Variants in ADPRHL1 observed in about 807,000 individuals in gnomAD.
ADPRHL1 encodes the protein ADP-ribosylhydrolase like 1, also known as inactive ADP-ribosyltransferase ARH2.
In ADPRHL1, 43 loss-of-function variants were observed where a neutral mutation model predicts 44.1. That is an observed-to-expected ratio of 0.98 (90% CI 0.76 to 1.26). The LOEUF is 1.26. ADPRHL1 is among the 50% of genes most tolerant of loss of function. ADPRHL1 has a pLI of 0.00. For missense variants in ADPRHL1, 2,022 were observed against 2,496.9 expected (o/e 0.81, Z 4.05); for synonymous variants, 878 against 1,017.4 (o/e 0.86, Z 2.61).
chr13:113,433,694 C>T (rs370971971), intron 3 of ADPRHL1, 48 bp downstream of exon 3: 36 of 1,535,786 alleles, frequency 2.3e-5, no homozygotes, highest in Middle Eastern at 2.3e-4. Context: ...GTGGGTCATC[C>T]GGCCGCACTC....
At chr13:113,410,118 C>T (rs987054421) in intron 7 of ADPRHL1, 8 of 985,254 alleles carry the variant, frequency 8.1e-6, no homozygotes, top group South Asian at 9.4e-5. Context: ...CGTGGGCACG[C>T]GATGACCCAG....
At position 113,441,165 on chromosome 13, in the gene ADPRHL1, T is replaced by C. The variant is rs1418671987; in HGVS notation, c.379+3260A>G. Among the ~76,000 whole-genome samples the C allele has an allele frequency of 6.6e-6, 1 of 152,100 alleles. No homozygotes were observed. The highest frequency in any genetic ancestry group is 1.5e-5 in the Non-Finnish European group (1 of 68,014). ...AAGACTCCATCTCAAAATTAAAAAG[T>C]TGTTTCTTATAAGCAGCACATAGTT... On this transcript the variant is annotated intron_variant, in intron 2 of 7. Coordinates refer to ENST00000612156, the MANE Select transcript of ADPRHL1 (RefSeq NM_001394807.1). This position sits in a 1 kb window ranked among gnomAD's most constrained non-coding sequence, Gnocchi z 6.0.
rs2044098145 is a variant in ADPRHL1, at chr13:113,441,500, T to C, written c.379+2925A>G. Among the ~76,000 whole-genome samples, 1 of 152,212 alleles carries C rather than the reference T, an allele frequency of 6.6e-6. No individual in the cohort carries two copies. Among genetic ancestry groups the C allele is most frequent in the Non-Finnish European group, 1.5e-5 (1 of 68,042 alleles). ...GGATGACACTGTGGCATACACGGTG[T>C]GGGAACCTCACCGTCATCGGCTTCC... On this transcript the variant is annotated intron_variant, in intron 2 of 7. Transcript: ENST00000612156. This position sits in a 1 kb window ranked among gnomAD's most constrained non-coding sequence, Gnocchi z 6.0.
At chr13:113,418,233 G>A (rs1260446971) in intron 7 of ADPRHL1, among the ~76,000 whole-genome samples, 8 of 152,300 alleles carry the variant, frequency 5.3e-5, no homozygotes, top group East Asian at 3.9e-4. Flanking sequence ...AAAGGGCCCC[G>A]CTTCTAGTGG....
At position 113,403,930 on chromosome 13, in the gene ADPRHL1, G is replaced by A; in HGVS notation, c.5352C>T (p.Thr1784=). The A allele has an allele frequency of 1.6e-6, 2 of 1,273,686 alleles. No individual in the cohort carries two copies. The highest frequency in any genetic ancestry group is 3.2e-5 in the South Asian group (1 of 31,648). 78.9% of individuals were successfully genotyped at this position (1,273,686 alleles called of 1,614,324 possible). The change falls in exon 8 of 8, where the codon ACC becomes ACT. Residue 1784 remains threonine, a synonymous_variant. Coordinates refer to ENST00000612156, the MANE Select transcript of ADPRHL1 (RefSeq NM_001394807.1). ...DRARDQGWEQ[T]QIETQRQTQK... ...GGGTCTGCCTCTGAGTCTCTATCTG[G>A]GTCTGCTCCCAGCCCTGATCCCGAG...
At chr13:113,447,105 C>T (rs866905911) in intron 1 of ADPRHL1, among the ~76,000 whole-genome samples, 17 of 137,636 alleles carry the variant, frequency 1.2e-4, no homozygotes, top group East Asian at 4.7e-4. Context: ...TCTACAGTCA[C>T]GGTGTTGTGT....
chr13:113,416,568 C>G (rs2139608430), intron 7 of ADPRHL1, among the ~76,000 whole-genome samples: 1 of 152,240 alleles, frequency 6.6e-6, no homozygotes, highest in African/African-American at 2.4e-5. Context: ...TCCCTCAGTA[C>G]CTGTGGGACA....
intron 3 of ADPRHL1, among the ~76,000 whole-genome samples, chr13:113,431,406 C>T (rs974928259): frequency 2.6e-5 from 4 of 152,236 alleles, no homozygotes; most frequent in African/African-American, 9.6e-5. Context: ...TCAGGGCCTC[C>T]CTTGGCCCGG....
At chr13:113,451,970 C>A (rs2044181857) in intron 1 of ADPRHL1, among the ~76,000 whole-genome samples, 1 of 152,198 alleles carries the variant, frequency 6.6e-6, no homozygotes, top group African/African-American at 2.4e-5. Context: ...ATGGACGCTG[C>A]CATTTACAAA....
intron 3 of ADPRHL1, among the ~76,000 whole-genome samples, chr13:113,430,436 T>C (rs150935641): frequency 6.6e-6 from 1 of 152,226 alleles, no homozygotes; most frequent in East Asian, 1.9e-4. Flanking sequence ...ATGGCCATGG[T>C]ACTCATGATG....
chr13:113,415,041 GGGCGA>G (rs1566468732), intron 7 of ADPRHL1, among the ~76,000 whole-genome samples: 3 of 152,142 alleles, frequency 2.0e-5, no homozygotes, highest in Admixed American at 6.5e-5. Context: ...AGATCAGGGA[GGGCGA>G]CACCTCCCTA....
intron 7 of ADPRHL1, among the ~76,000 whole-genome samples, chr13:113,419,619 T>C (rs1566470240): frequency 6.6e-6 from 1 of 152,004 alleles, no homozygotes; most frequent in African/African-American, 2.4e-5. Context: ...GAAGTCGCCA[T>C]AAGAGCAGGT....
chr13:113,453,322 C>T lies in ADPRHL1; in HGVS notation c.116G>A (p.Arg39His), dbSNP rs761364646. The change falls in exon 1 of 8, where the codon CGT becomes CAT. Residue 39 changes from arginine (R) to histidine (H), a missense_variant. Arg to His is a conservative substitution (Grantham distance 29). Transcript: ENST00000612156. This position sits in a 1 kb window ranked among gnomAD's most constrained non-coding sequence, Gnocchi z 5.4. ...VGMKIQEELQRSGGLDHLVLS... is the reference protein window; with the variant it reads ...VGMKIQEELQHSGGLDHLVLS... Reference sequence around the variant, plus strand: ...TACGAGGTGGTCCAGGCCCCCGGAACGTTGCAGCTCCTCCTGGATCTTCAT... The same window carrying T: ...TACGAGGTGGTCCAGGCCCCCGGAATGTTGCAGCTCCTCCTGGATCTTCAT... 131 of 1,614,228 alleles carry T rather than the reference C, an allele frequency of 8.1e-5. No individual in the cohort carries two copies. The Middle Eastern group carries it at 9.9e-4, about 12-fold the overall frequency.
In ADPRHL1 at chr13:113,441,302, G is replaced by A. The variant is rs892914883; in HGVS notation, c.379+3123C>T. Among the ~76,000 whole-genome samples, 5 of 152,138 alleles carry A rather than the reference G, an allele frequency of 3.3e-5. No individual in the cohort carries two copies. The highest frequency in any genetic ancestry group is 7.4e-5 in the Non-Finnish European group (5 of 68,016). On this transcript the variant is annotated intron_variant, in intron 2 of 7. Coordinates refer to ENST00000612156, the MANE Select transcript of ADPRHL1 (RefSeq NM_001394807.1). This position sits in a 1 kb window ranked among gnomAD's most constrained non-coding sequence, Gnocchi z 6.0. ...TTATTATCTTGTTTGTTTTCTACCT[G>A]TACTGTCTAGTATTTGTCCCTCCTT... is the stretch of plus-strand genomic sequence containing the variant.
At chr13:113,425,227 T>A in intron 4 of ADPRHL1, 48 bp from the exon 5 acceptor site, 1 of 194,804 alleles carries the variant, frequency 5.1e-6, no homozygotes, top group East Asian at 2.2e-4. Context: ...ATCCATGGAG[T>A]GGGGCGGGTG....
At chr13:113,430,572 GCA>G (rs752928467) in intron 3 of ADPRHL1, among the ~76,000 whole-genome samples, 16 of 152,322 alleles carry the variant, frequency 1.1e-4, no homozygotes, top group Middle Eastern at 3.4e-3. Flanking sequence ...GCCAGTGACT[GCA>G]GCAGTGGTTG....
In ADPRHL1 at chr13:113,429,017, C is replaced by T. The variant is rs1050676645; in HGVS notation, c.581G>A (p.Arg194Lys). The change falls in exon 4 of 8, where the codon AGA (arginine) becomes AAA (lysine). Residue 194 changes from arginine to lysine, a missense_variant. Arg to Lys is a conservative substitution (Grantham distance 26). Transcript: ENST00000612156. ...AQGKPLVQWG[R>K]DMLRAVPLAE... is the part of the protein sequence containing the mutation. The stretch of plus-strand genomic sequence containing the variant: ...CAGAGGCACCGCCCGCAGCATGTCT[C>T]TCCCCCACTGGACCAGGGGCTTTCC... The T allele has an allele frequency of 9.3e-6, 15 of 1,612,778 alleles. No homozygotes were observed. Among genetic ancestry groups the T allele is most frequent in the Non-Finnish European group, 1.2e-5 (14 of 1,180,014 alleles).
chr13:113,404,967 T>G lies in ADPRHL1; in HGVS notation c.4315A>C (p.Ser1439Arg). ...TGCAGATGCTGCTGACCTTGGTCAC[T>G]GCGCTGGCAGGCGCCCCCAACCCCA... Reference protein sequence around the residue: ...AIGVGGACQRSDQGQQHLQGP... With the variant: ...AIGVGGACQRRDQGQQHLQGP... Residue 1439 changes from serine (S) to arginine (R), a missense_variant, in exon 8 of 8, where the codon AGT becomes CGT. Ser to Arg is a moderately radical substitution (Grantham distance 110, BLOSUM62 -1). Transcript: ENST00000612156. 6 of 1,235,394 alleles carry G rather than the reference T, an allele frequency of 4.9e-6. No homozygotes were observed. The highest frequency in any genetic ancestry group is 6.1e-6 in the Non-Finnish European group (6 of 990,456). The allele number at this position is 1,235,394 out of a possible 1,614,324, so 76.5% of individuals were successfully genotyped here. A position where few individuals can be genotyped will look rare whatever the true frequency, so the allele number is the denominator to read the frequency against.
At chr13:113,431,755 G>T (rs747706166) in intron 3 of ADPRHL1, among the ~76,000 whole-genome samples, 4 of 151,998 alleles carry the variant, frequency 2.6e-5, no homozygotes, top group African/African-American at 7.2e-5. Context: ...TGACTCTGTC[G>T]CCCAGGCTGG....
Sources: allele counts gnomAD v4.1 joint callset (sites outside exome capture counted in the v4.1 genomes callset), GRCh38; gene constraint gnomAD v4.1.1; non-coding constraint Gnocchi (gnomAD v3.1); transcripts MANE v1.5; gene names NCBI Gene and HGNC (gene_info 2026-07-23, HGNC 2026-07-21).